RBFOX3: variants seen among roughly 807,000 people sequenced by gnomAD.
RBFOX3 encodes the protein RNA binding protein fox-1 homolog 3.
RBFOX3 carries 17 observed loss-of-function variants against 48.7 expected under a neutral mutation model. The ratio of observed to expected loss-of-function variants is 0.35; its 90% CI spans 0.24 to 0.52. The LOEUF is 0.52. RBFOX3 is among the 20% of genes least tolerant of loss of function. The pLI is 0.94. For missense variants in RBFOX3, 382 were observed against 497.5 expected (o/e 0.77, Z 2.21); for synonymous variants, 212 against 209.5 (o/e 1.01, Z -0.10).
intron 1 of RBFOX3, among the ~76,000 whole-genome samples, chr17:79,498,843 C>T (rs181770976): frequency 6.7e-6 from 1 of 149,148 alleles, no homozygotes; most frequent in African/African-American, 2.5e-5. Context: ...ACCCATCCTT[C>T]CACCCACCAC....
At position 79,361,946 on chromosome 17, in the gene RBFOX3, C is replaced by T. The variant is rs960631984; in HGVS notation, c.-174-54122G>A. ...ATGTCTTATTTTGGTAGTTAATTGC[C>T]ATTTCCATTTTAATATGCAAGCGGT... On this transcript the variant is annotated intron_variant, in intron 2 of 14. Coordinates refer to ENST00000693108, the MANE Select transcript of RBFOX3 (RefSeq NM_001350451.2). The surrounding 1 kb of genome is among the most constrained non-coding windows in gnomAD (Gnocchi z 4.5). Among the ~76,000 whole-genome samples, 1 of 152,182 alleles carries T rather than the reference C, an allele frequency of 6.6e-6. No homozygotes were observed. Among genetic ancestry groups the T allele is most frequent in the Non-Finnish European group, 1.5e-5 (1 of 68,048 alleles).
At chr17:79,280,397 GAC>G (rs1241076980) in intron 3 of RBFOX3, among the ~76,000 whole-genome samples, 1 of 152,170 alleles carries the variant, frequency 6.6e-6, no homozygotes, top group East Asian at 1.9e-4. Flanking sequence ...AGATGGAGAA[GAC>G]ACACAGAGGG....
chr17:79,562,735 G>A (rs1353123854), intron 1 of RBFOX3, among the ~76,000 whole-genome samples: 1 of 152,172 alleles, frequency 6.6e-6, no homozygotes, highest in East Asian at 1.9e-4. Flanking sequence ...TAAGGGAATC[G>A]GGGTAGGGGC....
chr17:79,149,368 G>C (rs536125820), intron 4 of RBFOX3, among the ~76,000 whole-genome samples: 3 of 152,320 alleles, frequency 2.0e-5, no homozygotes, highest in South Asian at 4.1e-4. Flanking sequence ...GAGGACAAAG[G>C]GGGGCTTGGC....
chr17:79,283,788 T>A (rs2071181544), intron 3 of RBFOX3, among the ~76,000 whole-genome samples: 1 of 152,262 alleles, frequency 6.6e-6, no homozygotes, highest in Non-Finnish European at 1.5e-5. Context: ...TGTTTCTTTG[T>A]GCTTTGTTGG....
chr17:79,340,384 G>A (rs918469734), intron 2 of RBFOX3, among the ~76,000 whole-genome samples: 5 of 151,884 alleles, frequency 3.3e-5, no homozygotes, highest in East Asian at 1.9e-4. Flanking sequence ...GCTGCCTTCC[G>A]CAAGCCCCAC....
intron 4 of RBFOX3, among the ~76,000 whole-genome samples, chr17:79,230,419 C>A (rs923080716): frequency 6.6e-6 from 1 of 151,816 alleles, no homozygotes; most frequent in Non-Finnish European, 1.5e-5. Flanking sequence ...GCCACCATAC[C>A]CGGCTAATTT....
chr17:79,120,961 T>G (rs9907626), intron 4 of RBFOX3, among the ~76,000 whole-genome samples: 107,836 of 151,930 alleles, frequency 0.71, 38,553 homozygotes, highest in East Asian at 0.83. Flanking sequence ...TCAGAATCCA[T>G]GACCACCCCC....
At chr17:79,152,857 C>T (rs1795959) in intron 4 of RBFOX3, among the ~76,000 whole-genome samples, 14,436 of 152,250 alleles carry the variant, frequency 0.095, 905 homozygotes, top group Non-Finnish European at 0.14. Context: ...CGCCGGCCTC[C>T]GGGACTTCGC....
rs761056905 is a variant in RBFOX3, at chr17:79,106,805, G to A, written c.223-17C>T. Reference sequence around the variant, plus strand: ...GTCTGTCTGCTGCAGGGAGAGGACTGGGCTGTGGAGGCTGCCTCTGTGTGC... The same window carrying A: ...GTCTGTCTGCTGCAGGGAGAGGACTAGGCTGTGGAGGCTGCCTCTGTGTGC... On this transcript the variant is annotated splice_polypyrimidine_tract_variant and intron_variant, in intron 5 of 14. Coordinates refer to ENST00000693108, the MANE Select transcript of RBFOX3 (RefSeq NM_001350451.2). 3 of 1,496,746 alleles carry A rather than the reference G, an allele frequency of 2.0e-6. No homozygotes were observed. The South Asian group carries it at 3.9e-5, about 20-fold the overall frequency. 92.7% of individuals were successfully genotyped at this position (1,496,746 alleles called of 1,614,324 possible).
intron 4 of RBFOX3, among the ~76,000 whole-genome samples, chr17:79,190,805 A>G (rs1251095655): frequency 6.6e-6 from 1 of 152,192 alleles, no homozygotes; most frequent in African/African-American, 2.4e-5. Context: ...GGGGCCACTG[A>G]CCAAAACTTG....
At chr17:79,389,229 C>T (rs771128559) in intron 2 of RBFOX3, among the ~76,000 whole-genome samples, 6 of 152,206 alleles carry the variant, frequency 3.9e-5, no homozygotes, top group Non-Finnish European at 7.3e-5. Flanking sequence ...TCACTCACCC[C>T]TTTGGTGTGC....
intron 4 of RBFOX3, among the ~76,000 whole-genome samples, chr17:79,153,722 A>T (rs2045118970): frequency 6.6e-6 from 1 of 152,138 alleles, no homozygotes; most frequent in Non-Finnish European, 1.5e-5. Flanking sequence ...AACCAATCCC[A>T]CCACCTGCAC....
chr17:79,475,695 C>A (rs2077632572), intron 2 of RBFOX3, among the ~76,000 whole-genome samples: 1 of 151,500 alleles, frequency 6.6e-6, no homozygotes, highest in Admixed American at 6.6e-5. Flanking sequence ...CACACAAATG[C>A]ACACACACAC....
chr17:79,155,231 G>C (rs569322599), intron 4 of RBFOX3, among the ~76,000 whole-genome samples: 19 of 152,248 alleles, frequency 1.2e-4, no homozygotes, highest in Non-Finnish European at 2.5e-4. Context: ...CAAGGTGGGG[G>C]TGTGGCTGCC....
chr17:79,539,328 G>A (rs1370191387), intron 1 of RBFOX3, among the ~76,000 whole-genome samples: 1 of 152,134 alleles, frequency 6.6e-6, no homozygotes, highest in Admixed American at 6.5e-5. Flanking sequence ...CCCAAGCATG[G>A]GCAACAGAGT....
intron 2 of RBFOX3, among the ~76,000 whole-genome samples, chr17:79,436,895 C>T (rs1170293976): frequency 6.6e-6 from 1 of 152,084 alleles, no homozygotes; most frequent in Non-Finnish European, 1.5e-5. Flanking sequence ...CTCCACTTGG[C>T]CCCTGGTGAT....
At chr17:79,523,607 G>A (rs922963780) in intron 1 of RBFOX3, among the ~76,000 whole-genome samples, 1 of 152,098 alleles carries the variant, frequency 6.6e-6, no homozygotes, top group African/African-American at 2.4e-5. Flanking sequence ...TGTGATCAAC[G>A]GCCCCATTGG....
At chr17:79,380,054 C>A (rs2059702565) in intron 2 of RBFOX3, among the ~76,000 whole-genome samples, 1 of 152,100 alleles carries the variant, frequency 6.6e-6, no homozygotes, top group South Asian at 2.1e-4. Context: ...TGTTAGTCAC[C>A]TCCCACAGCC....
Sources: gnomAD v4.1 joint callset for allele counts (sites outside exome capture counted in the v4.1 genomes callset) on GRCh38, gnomAD v4.1.1 for gene constraint, Gnocchi (gnomAD v3.1) non-coding constraint, MANE v1.5 for transcripts, NCBI Gene and HGNC (gene_info 2026-07-23, HGNC 2026-07-21) for gene names.